Variants in PAPOLG observed in about 807,000 individuals in gnomAD.
PAPOLG encodes PAP-gamma.
PAPOLG carries 40 observed loss-of-function variants against 99.0 expected under a neutral mutation model. The ratio of observed to expected loss-of-function variants is 0.40; its 90% CI spans 0.31 to 0.53. The LOEUF (loss-of-function observed/expected upper bound fraction) is 0.53. PAPOLG is among the 20% of genes least tolerant of loss of function. The pLI is 0.41. For missense variants in PAPOLG, 675 were observed against 884.1 expected, an observed-to-expected ratio of 0.76 and a Z score of 3.00; for synonymous variants, 310 against 299.3, an observed-to-expected ratio of 1.04 and a Z score of -0.37.
At chr2:60,757,173 G>A (rs1195629731) in intron 1 of PAPOLG, among the ~76,000 whole-genome samples, 1 of 152,216 alleles carries the variant, frequency 6.6e-6, no homozygotes, top group African/African-American at 2.4e-5. Flanking sequence ...AGCATCATTT[G>A]TGGAGCCACC....
chr2:60,790,736 G>A (rs1330032145), intron 15 of PAPOLG, among the ~76,000 whole-genome samples: 3 of 152,152 alleles, frequency 2.0e-5, no homozygotes, highest in Non-Finnish European at 2.9e-5. Flanking sequence ...AGCTGCAGTA[G>A]TAAATTCTCA....
chr2:60,768,867 C>G lies in PAPOLG; in HGVS notation c.415C>G (p.Gln139Glu), dbSNP rs1179963494. ...GTCTTTTTTTGAAAAATTGAAACAT[C>G]AAGATGGCATTAGAAACTTAAGAGT... is the stretch of plus-strand genomic sequence containing the variant. ...FQSFFEKLKHQDGIRNLRAVE... is the reference protein window; with the variant it reads ...FQSFFEKLKHEDGIRNLRAVE... Residue 139 changes from glutamine to glutamate, a missense_variant, in exon 5 of 22, where the codon CAA becomes GAA. Transcript: ENST00000238714. The G allele has an allele frequency of 1.2e-5, 19 of 1,596,488 alleles. No individual in the cohort carries two copies. In the Admixed American group the frequency reaches 2.9e-4, roughly 25 times the overall value.
At chr2:60,761,970 G>A (rs1447251118) in intron 3 of PAPOLG, among the ~76,000 whole-genome samples, 163 bp downstream of exon 3, 11 of 152,200 alleles carry the variant, frequency 7.2e-5, no homozygotes, top group Admixed American at 7.2e-4. Flanking sequence ...CTAAGTAGAT[G>A]AGGATTACCC....
chr2:60,757,475 ACATGTGTT>A (rs1472986449), intron 1 of PAPOLG, among the ~76,000 whole-genome samples: 1 of 151,376 alleles, frequency 6.6e-6, no homozygotes, highest in African/African-American at 2.5e-5. Context: ...TACTACATAC[ACATGTGTT>A]CATAATAACT....
At chr2:60,762,751 C>T (rs370714557) in intron 3 of PAPOLG, among the ~76,000 whole-genome samples, 6 of 151,830 alleles carry the variant, frequency 4.0e-5, no homozygotes, top group Non-Finnish European at 8.8e-5. Context: ...CTCAGCCTCC[C>T]GAGTAGCTGG....
chr2:60,783,257 C>T, intron 13 of PAPOLG, 48 bp downstream of exon 13: 1 of 1,142,980 alleles, frequency 8.7e-7, no homozygotes, highest in Non-Finnish European at 1.2e-6. Context: ...GTGATAGTAA[C>T]TTATTTATAT....
At chr2:60,761,479 T>C (rs1670519499) in intron 2 of PAPOLG, among the ~76,000 whole-genome samples, 1 of 152,218 alleles carries the variant, frequency 6.6e-6, no homozygotes, top group South Asian at 2.1e-4. Flanking sequence ...GGCAATTTTA[T>C]GATTTTTATT....
chr2:60,759,354 A>G (rs1422113508), intron 1 of PAPOLG, among the ~76,000 whole-genome samples: 1 of 149,912 alleles, frequency 6.7e-6, no homozygotes, highest in Non-Finnish European at 1.5e-5. Flanking sequence ...GGAGACAGAG[A>G]GAGACTCCAT....
intron 3 of PAPOLG, among the ~76,000 whole-genome samples, chr2:60,763,752 C>T (rs1430907172): frequency 1.3e-5 from 2 of 151,642 alleles, no homozygotes; most frequent in Non-Finnish European, 2.9e-5. Flanking sequence ...GATCTACCCG[C>T]CTCAGCCTCC....
chr2:60,756,654 C>T (rs558039334), intron 1 of PAPOLG, among the ~76,000 whole-genome samples, 159 bp downstream of exon 1: 1 of 152,110 alleles, frequency 6.6e-6, no homozygotes, highest in Non-Finnish European at 1.5e-5. Flanking sequence ...GGGCACCTCC[C>T]CTAAACCCGG....
At chr2:60,770,383 T>C (rs954580653) in intron 5 of PAPOLG, 75 bp from the exon 6 acceptor site, 4 of 1,258,120 alleles carry the variant, frequency 3.2e-6, no homozygotes, top group Non-Finnish European at 4.3e-6. Context: ...AGTAAAGATA[T>C]TCACATTATT....
At chr2:60,772,867 A>T (rs1288745733) in intron 7 of PAPOLG, among the ~76,000 whole-genome samples, 2 of 152,174 alleles carry the variant, frequency 1.3e-5, no homozygotes, top group Non-Finnish European at 2.9e-5. Context: ...TTTCTTTTTA[A>T]CAGTTTTATT....
At chr2:60,764,810 C>T (rs963557905) in intron 3 of PAPOLG, among the ~76,000 whole-genome samples, 1 of 152,110 alleles carries the variant, frequency 6.6e-6, no homozygotes, top group Admixed American at 6.6e-5. Context: ...ACAGTGGGCT[C>T]AGAATAAAGT....
At chr2:60,777,056 T>C (rs1293921659) in intron 8 of PAPOLG, among the ~76,000 whole-genome samples, 1 of 152,178 alleles carries the variant, frequency 6.6e-6, no homozygotes, top group Non-Finnish European at 1.5e-5. Context: ...TCCTCACCTC[T>C]CTCAGCCTTC....
chr2:60,765,193 C>T (rs1053651109), intron 3 of PAPOLG, among the ~76,000 whole-genome samples: 2 of 151,182 alleles, frequency 1.3e-5, no homozygotes, highest in Admixed American at 1.3e-4. Flanking sequence ...CCCAGCCCCC[C>T]AAGTAGCAGA....
intron 21 of PAPOLG, chr2:60,795,241 TTTA>T (rs398104353): frequency 6.2e-6 from 4 of 647,542 alleles, no homozygotes; most frequent in Non-Finnish European, 1.1e-5. Context: ...TTAAGACAAC[TTTA>T]TTATCTATTT....
At chr2:60,792,800 C>A (rs1573256987) in intron 17 of PAPOLG, among the ~76,000 whole-genome samples, 1 of 152,290 alleles carries the variant, frequency 6.6e-6, no homozygotes, top group African/African-American at 2.4e-5. Context: ...CTTTGGGAGG[C>A]CAAGGCGGGC....
intron 8 of PAPOLG, among the ~76,000 whole-genome samples, chr2:60,778,290 G>T (rs1671082345): frequency 6.6e-6 from 1 of 151,746 alleles, no homozygotes; most frequent in Admixed American, 6.6e-5. Context: ...AGAACTACAG[G>T]CATATGCCAC....
chr2:60,785,788 T>C (rs1403449094), intron 13 of PAPOLG, among the ~76,000 whole-genome samples: 1 of 151,786 alleles, frequency 6.6e-6, no homozygotes, highest in Non-Finnish European at 1.5e-5. Context: ...CGCCTCAGCT[T>C]CCCAAAGTGC....
Sources: allele counts gnomAD v4.1 joint callset (sites outside exome capture counted in the v4.1 genomes callset), GRCh38; gene constraint gnomAD v4.1.1; transcripts MANE v1.5; gene names NCBI Gene and HGNC (gene_info 2026-07-23, HGNC 2026-07-21).